The following CNTN4 variants were observed in gnomAD, a reference collection of about 807,000 sequenced individuals.
The protein encoded by CNTN4 is contactin 4, also known as contactin-4.
CNTN4 carries 77 observed loss-of-function variants against 122.5 expected under a neutral mutation model. The ratio of observed to expected loss-of-function variants is 0.63; its 90% CI spans 0.52 to 0.76. The LOEUF (loss-of-function observed/expected upper bound fraction) is 0.76, where lower values mean the gene tolerates loss of function less well. Ranked by LOEUF, CNTN4 falls within the 30% of genes least tolerant of loss-of-function variation. The pLI, the probability that CNTN4 is intolerant of heterozygous loss-of-function variation, is 0.00. For synonymous variants in CNTN4, 512 were observed against 447.0 expected, an observed-to-expected ratio of 1.15 and a Z score of -1.83; for missense variants, 1,256 against 1,259.1, an observed-to-expected ratio of 1.00 and a Z score of 0.04.
At chr3:2,138,574 A>G (rs2034826826) in intron 2 of CNTN4, among the ~76,000 whole-genome samples, 1 of 152,212 alleles carries the variant, frequency 6.6e-6, no homozygotes, top group Non-Finnish European at 1.5e-5. Flanking sequence ...GTGAGTGGTC[A>G]TCATCCAATT....
chr3:2,921,948 C>G (rs1364645050), intron 12 of CNTN4, among the ~76,000 whole-genome samples: 10 of 152,114 alleles, frequency 6.6e-5, no homozygotes, highest in Admixed American at 6.5e-4. Context: ...CCAGATGCTT[C>G]TCATAGATAA....
At chr3:2,483,244 G>T (rs2076057360) in intron 3 of CNTN4, among the ~76,000 whole-genome samples, 1 of 152,184 alleles carries the variant, frequency 6.6e-6, no homozygotes. Context: ...TTACATTTTA[G>T]ACTTGCCTGG....
chr3:2,746,735 T>G (rs184634933), intron 6 of CNTN4, among the ~76,000 whole-genome samples: 6 of 152,336 alleles, frequency 3.9e-5, no homozygotes, highest in African/African-American at 1.4e-4. Context: ...GTGGCATTTT[T>G]ATAAGTTGGG....
At chr3:2,144,374 C>T (rs1310433814) in intron 2 of CNTN4, 1 of 152,168 alleles carries the variant, frequency 6.6e-6, no homozygotes, top group Non-Finnish European at 1.5e-5. Flanking sequence ...CATGATAAAT[C>T]ACTCCCACTG....
intron 3 of CNTN4, among the ~76,000 whole-genome samples, chr3:2,421,280 T>C (rs2047607964): frequency 7.0e-6 from 1 of 143,074 alleles, no homozygotes; most frequent in Admixed American, 7.4e-5. Context: ...TGACTAGGAG[T>C]CTGGCTCTGT....
At position 2,841,697 on chromosome 3, in the gene CNTN4, C is replaced by T. The variant is rs987444576; in HGVS notation, c.454+22116C>T. Among the ~76,000 whole-genome samples, 5 of 152,092 alleles carry T rather than the reference C, an allele frequency of 3.3e-5. No individual in the cohort carries two copies. Among genetic ancestry groups the T allele is most frequent in the Admixed American group, 2.6e-4 (4 of 15,274 alleles). On this transcript the variant is annotated intron_variant, in intron 7 of 24. Coordinates refer to ENST00000418658, the MANE Select transcript of CNTN4 (RefSeq NM_175607.3). The surrounding 1 kb of genome is among the most constrained non-coding windows in gnomAD (Gnocchi z 4.8). ...TATAGTCCGTAAGGAATAGAAAGGA[C>T]GAGGTTGAAAGTAGCTGTGCCTTGA...
chr3:2,985,566 C>T (rs1694478490), intron 13 of CNTN4: 1 of 152,400 alleles, frequency 6.6e-6, no homozygotes, highest in East Asian at 1.9e-4. Context: ...GTTACCACCT[C>T]ACTGGCCATG....
chr3:2,582,484 C>T (rs548001348), intron 4 of CNTN4, among the ~76,000 whole-genome samples: 10 of 145,232 alleles, frequency 6.9e-5, no homozygotes, highest in South Asian at 2.4e-4. Flanking sequence ...TTGGGGGCGG[C>T]GGGGAGGGGC....
intron 2 of CNTN4, among the ~76,000 whole-genome samples, chr3:2,219,391 A>G (rs2038973125): frequency 1.3e-5 from 2 of 152,116 alleles, no homozygotes; most frequent in African/African-American, 4.8e-5. Flanking sequence ...GTTTAATTTT[A>G]TTTCTTTGAC....
At chr3:2,502,188 T>A (rs2076612209) in intron 3 of CNTN4, among the ~76,000 whole-genome samples, 1 of 152,054 alleles carries the variant, frequency 6.6e-6, no homozygotes, top group Admixed American at 6.6e-5. Context: ...GACTTGAACA[T>A]TTAGTGGGGA....
At chr3:2,163,656 CT>C (rs1294705155) in intron 2 of CNTN4, among the ~76,000 whole-genome samples, 1 of 151,250 alleles carries the variant, frequency 6.6e-6, no homozygotes, top group Non-Finnish European at 1.5e-5. Context: ...AAAAAAAAAA[CT>C]AATAATCCCA....
At chr3:2,513,318 G>A (rs1019796244) in intron 3 of CNTN4, among the ~76,000 whole-genome samples, 2 of 152,166 alleles carry the variant, frequency 1.3e-5, no homozygotes, top group African/African-American at 4.8e-5. Flanking sequence ...ATAACTGTTA[G>A]TGTTTTTCTG....
chr3:2,150,689 T>G (rs1030716781), intron 2 of CNTN4, among the ~76,000 whole-genome samples: 1 of 152,198 alleles, frequency 6.6e-6, no homozygotes, highest in Non-Finnish European at 1.5e-5. Context: ...CAGAAGATTA[T>G]TTTTCTTGGT....
Position 2,191,709 on chromosome 3 carries a change from T to TACACACAC in CNTN4, c.-145+91078_-145+91085dup, listed in dbSNP as rs370552144. On this transcript the variant is annotated intron_variant, in intron 2 of 24. Transcript: ENST00000418658. The stretch of plus-strand genomic sequence containing the variant: ...AAAATTCTATGTATATATATATATA[T>TACACACAC]ACACACACACACACATACACACACA... 2.8e-3 allele frequency among the ~76,000 whole-genome samples: 425 copies of TACACACAC among 150,940 alleles called. 1 individual carries two copies. The highest frequency in any genetic ancestry group is 4.8e-3 in the Non-Finnish European group (323 of 67,872).
chr3:2,139,459 C>T lies in CNTN4; in HGVS notation c.-145+38820C>T, dbSNP rs2034880007. Among the ~76,000 whole-genome samples, 3 of 152,288 alleles carry T rather than the reference C, an allele frequency of 2.0e-5. No homozygotes were observed. The South Asian group carries it at 6.2e-4, about 32-fold the overall frequency. On this transcript the variant is annotated intron_variant, in intron 2 of 24. Transcript: ENST00000418658. ...TGGACACTGCTACCTGATTCCCATCCACATTGATTTTCATGACGCACATTT... is the reference window on the plus strand; with the variant it reads ...TGGACACTGCTACCTGATTCCCATCTACATTGATTTTCATGACGCACATTT...
chr3:2,676,470 C>T (rs2084851493), intron 4 of CNTN4, among the ~76,000 whole-genome samples: 1 of 152,200 alleles, frequency 6.6e-6, no homozygotes, highest in South Asian at 2.1e-4. Flanking sequence ...GATCCGGCTG[C>T]CTCGGCCTCC....
chr3:2,353,759 T>C lies in CNTN4; in HGVS notation c.-89+14526T>C, dbSNP rs570968123. Among the ~76,000 whole-genome samples the C allele has an allele frequency of 1.2e-3, 183 of 151,930 alleles. 2 individuals carry two copies. Among genetic ancestry groups the C allele is most frequent in the South Asian group, 3.9e-3 (19 of 4,812 alleles). On this transcript the variant is annotated intron_variant, in intron 3 of 24. Transcript: ENST00000418658. ...AAACACAAAAACAAAATTAGCCGGG[T>C]GTGGTGGCGGGCGCCTGTGGTCCCA...
At chr3:2,732,301 C>A (rs1361160153) in intron 4 of CNTN4, among the ~76,000 whole-genome samples, 1 of 152,090 alleles carries the variant, frequency 6.6e-6, no homozygotes, top group Non-Finnish European at 1.5e-5. Context: ...TAATGCACCC[C>A]AGATTCTTCT....
At chr3:2,172,931 A>C (rs1240017302) in intron 2 of CNTN4, among the ~76,000 whole-genome samples, 2 of 152,216 alleles carry the variant, frequency 1.3e-5, no homozygotes, top group African/African-American at 4.8e-5. Flanking sequence ...GAAGAAAGGC[A>C]AAGATGATTG....
Sources: allele counts gnomAD v4.1 joint callset (sites outside exome capture counted in the v4.1 genomes callset), GRCh38; gene constraint gnomAD v4.1.1; non-coding constraint Gnocchi (gnomAD v3.1); transcripts MANE v1.5; gene names NCBI Gene and HGNC (gene_info 2026-07-23, HGNC 2026-07-21).